Variants in TRHDE observed in about 807,000 individuals in gnomAD.
TRHDE encodes thyrotropin releasing hormone degrading enzyme.
In TRHDE, 72 loss-of-function variants were observed where a neutral mutation model predicts 125.7. That is an observed-to-expected ratio of 0.57 (90% CI 0.47 to 0.70). TRHDE has a LOEUF of 0.70. TRHDE is among the 30% of genes least tolerant of loss of function. The pLI is 0.00. For missense variants in TRHDE, 1,110 were observed against 1,327.1 expected, an observed-to-expected ratio of 0.84 and a Z score of 2.54; for synonymous variants, 509 against 509.1, an observed-to-expected ratio of 1.00 and a Z score of 0.00.
chr12:72,205,919 A>G (rs1877655119), intron 2 of TRHDE, among the ~76,000 whole-genome samples: 1 of 152,114 alleles, frequency 6.6e-6, no homozygotes, highest in East Asian at 1.9e-4. Flanking sequence ...TTTTTTGAGA[A>G]GACTCCATGC....
intron 2 of TRHDE, among the ~76,000 whole-genome samples, chr12:72,233,993 C>CT (rs1250168279): frequency 9.2e-5 from 14 of 152,246 alleles, no homozygotes; most frequent in African/African-American, 3.4e-4. Flanking sequence ...ATGGTAAGAA[C>CT]TACTTGTACA....
At chr12:72,607,844 C>G (rs1389101855) in intron 12 of TRHDE, among the ~76,000 whole-genome samples, 1 of 152,028 alleles carries the variant, frequency 6.6e-6, no homozygotes, top group African/African-American at 2.4e-5. Flanking sequence ...CCTTTCCAAG[C>G]CTTTCCTCTT....
intron 18 of TRHDE, 60 bp from the exon 19 acceptor site, chr12:72,662,992 G>T: frequency 6.6e-7 from 1 of 1,506,094 alleles, no homozygotes; most frequent in Non-Finnish European, 9.0e-7. Flanking sequence ...GTTCATGTTT[G>T]TTGGACATGA....
At chr12:72,404,891 A>G (rs1873202586) in intron 3 of TRHDE, among the ~76,000 whole-genome samples, 2 of 152,226 alleles carry the variant, frequency 1.3e-5, no homozygotes. Flanking sequence ...CCTTGTCTAT[A>G]AAATGAGGAT....
intron 2 of TRHDE, among the ~76,000 whole-genome samples, chr12:72,336,992 G>A (rs1869858816): frequency 6.6e-6 from 1 of 152,138 alleles, no homozygotes; most frequent in Admixed American, 6.5e-5. Context: ...CAGAATCTCA[G>A]GTTTCACTCC....
intron 1 of TRHDE, among the ~76,000 whole-genome samples, chr12:72,100,533 C>A (rs901329476): frequency 2.6e-5 from 4 of 152,178 alleles, no homozygotes; most frequent in Non-Finnish European, 4.4e-5. Flanking sequence ...TGGGTCCAAC[C>A]CAATCACTGT....
intron 5 of TRHDE, among the ~76,000 whole-genome samples, chr12:72,486,416 A>C (rs1877409976): frequency 6.6e-6 from 1 of 152,206 alleles, no homozygotes; most frequent in Non-Finnish European, 1.5e-5. Flanking sequence ...AGATCCCCTC[A>C]GATAAGACTC....
intron 2 of TRHDE, among the ~76,000 whole-genome samples, chr12:72,169,985 T>C (rs1469152480): frequency 6.6e-6 from 1 of 152,164 alleles, no homozygotes; most frequent in Non-Finnish European, 1.5e-5. Flanking sequence ...AGATTTAGGC[T>C]ATGTGGCAAC....
At chr12:72,210,171 G>GATCGATCTATCT (rs1555168850) in intron 2 of TRHDE, among the ~76,000 whole-genome samples, 28 of 146,326 alleles carry the variant, frequency 1.9e-4, no homozygotes, top group Non-Finnish European at 3.1e-4. Context: ...CTATAAGATT[G>GATCGATCTATCT]ATCTATCTAT....
Position 72,486,143 on chromosome 12 carries a change from A to G in TRHDE, c.1584+12963A>G, listed in dbSNP as rs79861269. Among the ~76,000 whole-genome samples the G allele has an allele frequency of 9.9e-3, 1,503 of 152,256 alleles. 21 individuals carry two copies. Among genetic ancestry groups the G allele is most frequent in the African/African-American group, 0.033 (1,378 of 41,566 alleles). The stretch of plus-strand genomic sequence containing the variant: ...ATGTCAATACTGTGCCTGGACCCTT[A>G]GGATCAAAACTACAGCCACACCCCA... On this transcript the variant is annotated intron_variant, in intron 5 of 18. Coordinates refer to ENST00000261180, the MANE Select transcript of TRHDE (RefSeq NM_013381.3).
At chr12:72,149,781 T>C (rs1251065077) in intron 2 of TRHDE, among the ~76,000 whole-genome samples, 1 of 152,142 alleles carries the variant, frequency 6.6e-6, no homozygotes, top group Admixed American at 6.6e-5. Context: ...TTACTAAAAT[T>C]GGGTGAAAAG....
chr12:72,168,162 G>A (rs1211646275), intron 2 of TRHDE, among the ~76,000 whole-genome samples: 5 of 152,130 alleles, frequency 3.3e-5, no homozygotes, highest in Non-Finnish European at 5.9e-5. Context: ...GGAAATACTA[G>A]TATGAGAAAA....
chr12:72,204,871 A>ACTTTG (rs1232523076), intron 2 of TRHDE, among the ~76,000 whole-genome samples: 5 of 152,178 alleles, frequency 3.3e-5, no homozygotes, highest in Non-Finnish European at 7.3e-5. Context: ...CAGGCCATGA[A>ACTTTG]AAACAGCTGT....
At chr12:72,350,664 G>T (rs908650920) in intron 2 of TRHDE, among the ~76,000 whole-genome samples, 1 of 151,904 alleles carries the variant, frequency 6.6e-6, no homozygotes, top group Admixed American at 6.6e-5. Context: ...CTCCCTTCCT[G>T]AATTGCTTAT....
chr12:72,505,389 T>A (rs1423794516), intron 6 of TRHDE, among the ~76,000 whole-genome samples: 1 of 152,116 alleles, frequency 6.6e-6, no homozygotes, highest in East Asian at 1.9e-4. Flanking sequence ...ATAGATGGAT[T>A]GAGACAGTCT....
chr12:72,524,419 A>C (rs1351037683), intron 6 of TRHDE, among the ~76,000 whole-genome samples: 1 of 152,030 alleles, frequency 6.6e-6, no homozygotes, highest in Non-Finnish European at 1.5e-5. Context: ...CCTAGACAAG[A>C]TTTTTTTTCT....
At chr12:72,659,899 T>G (rs1874850830) in intron 18 of TRHDE, among the ~76,000 whole-genome samples, 1 of 151,642 alleles carries the variant, frequency 6.6e-6, no homozygotes, top group South Asian at 2.1e-4. Flanking sequence ...AGACAAGAGA[T>G]TGTAAGAAAT....
At chr12:72,509,136 T>C (rs916727309) in intron 6 of TRHDE, among the ~76,000 whole-genome samples, 22 of 152,176 alleles carry the variant, frequency 1.4e-4, no homozygotes, top group South Asian at 4.1e-4. Flanking sequence ...TTTGCCAGAA[T>C]CATTTTCTGC....
chr12:72,448,572 G>A (rs896944292), intron 3 of TRHDE, among the ~76,000 whole-genome samples: 7 of 151,964 alleles, frequency 4.6e-5, no homozygotes, highest in Admixed American at 1.3e-4. Flanking sequence ...TATTAATACC[G>A]AATTCATTTG....
Sources: allele counts gnomAD v4.1 joint callset (sites outside exome capture counted in the v4.1 genomes callset), GRCh38; gene constraint gnomAD v4.1.1; transcripts MANE v1.5; gene names NCBI Gene and HGNC (gene_info 2026-07-23, HGNC 2026-07-21).